The following PTPN12 variants were observed in gnomAD, a reference collection of about 807,000 sequenced individuals.
PTPN12 encodes tyrosine-protein phosphatase non-receptor type 12.
PTPN12 carries 29 observed loss-of-function variants against 97.6 expected under a neutral mutation model. The ratio of observed to expected loss-of-function variants is 0.30; its 90% confidence interval spans 0.22 to 0.41. The LOEUF is 0.41. Ranked by LOEUF, PTPN12 falls within the 10% of genes least tolerant of loss-of-function variation. The pLI is 1.00. For synonymous variants in PTPN12, 327 were observed against 300.4 expected, an observed-to-expected ratio of 1.09 and a Z score of -0.91; for missense variants, 819 against 926.0, an observed-to-expected ratio of 0.88 and a Z score of 1.50.
chr7:77,600,491 T>C (rs1232103799), intron 7 of PTPN12, among the ~76,000 whole-genome samples, 173 bp from the exon 8 acceptor site: 1 of 152,188 alleles, frequency 6.6e-6, no homozygotes, highest in Non-Finnish European at 1.5e-5. Flanking sequence ...AGCCCTTAGG[T>C]ATTTGGCATG....
intron 3 of PTPN12, 119 bp from the exon 4 acceptor site, chr7:77,583,436 G>T: frequency 1.5e-6 from 1 of 649,492 alleles, no homozygotes; most frequent in Non-Finnish European, 2.6e-6. Context: ...CACATTATTT[G>T]GAAATGGTTT....
chr7:77,635,937 C>A (rs908293959), intron 15 of PTPN12, 88 bp downstream of exon 15: 50 of 813,524 alleles, frequency 6.1e-5, no homozygotes, highest in Non-Finnish European at 8.7e-5. Context: ...TAGCTGTCAT[C>A]TTAAGATCGT....
At chr7:77,635,701 A>ATT in intron 14 of PTPN12, 81 bp from the exon 15 acceptor site, 1 of 793,608 alleles carries the variant, frequency 1.3e-6, no homozygotes, top group Non-Finnish European at 1.8e-6. Context: ...AATCTTTAGG[A>ATT]TCTGTTTTTT....
chr7:77,613,167 G>GTTTTTTTTTTTTTTTTTTTTTT (rs576216122), intron 11 of PTPN12, among the ~76,000 whole-genome samples: 1 of 88,534 alleles, frequency 1.1e-5, no homozygotes. Flanking sequence ...TAATTTTTGG[G>GTTTTTTTTTTTTTTTTTTTTTT]TTTTTTTTTT....
intron 12 of PTPN12, among the ~76,000 whole-genome samples, chr7:77,622,337 A>G (rs574626104): frequency 1.3e-5 from 2 of 152,342 alleles, no homozygotes; most frequent in East Asian, 1.9e-4. Context: ...ATATGAAAAA[A>G]CAGAGGAAAT....
At chr7:77,543,970 T>C (rs1445328800) in intron 1 of PTPN12, among the ~76,000 whole-genome samples, 1 of 152,232 alleles carries the variant, frequency 6.6e-6, no homozygotes, top group South Asian at 2.1e-4. Flanking sequence ...AATGCAGCTA[T>C]GAACATTTGT....
At chr7:77,614,221 A>G (rs963964919) in intron 11 of PTPN12, among the ~76,000 whole-genome samples, 25 of 152,178 alleles carry the variant, frequency 1.6e-4, no homozygotes, top group African/African-American at 5.8e-4. Context: ...CTATATTTAA[A>G]TAATCTCCAG....
At chr7:77,612,297 C>T (rs1191819321) in intron 11 of PTPN12, among the ~76,000 whole-genome samples, 14 of 152,110 alleles carry the variant, frequency 9.2e-5, no homozygotes, top group African/African-American at 2.4e-4. Context: ...TATGTGACAT[C>T]GTTCTTATTC....
intron 14 of PTPN12, 121 bp downstream of exon 14, chr7:77,632,546 G>T (rs1194139995): frequency 5.6e-6 from 4 of 712,968 alleles, no homozygotes; most frequent in Non-Finnish European, 9.6e-6. Context: ...CAAGTAAATT[G>T]ATGTTGACAT....
chr7:77,636,001 A>T (rs1386866432), intron 15 of PTPN12, 152 bp downstream of exon 15: 5 of 518,032 alleles, frequency 9.7e-6, no homozygotes, highest in African/African-American at 7.9e-5. Context: ...ATTTCAGATG[A>T]AAAGCCCATA....
At chr7:77,628,943 G>A (rs922268887) in intron 13 of PTPN12, among the ~76,000 whole-genome samples, 2 of 152,000 alleles carry the variant, frequency 1.3e-5, no homozygotes, top group Non-Finnish European at 1.5e-5. Flanking sequence ...GAGTGTATTT[G>A]GTAGACTAGA....
At chr7:77,566,220 C>G (rs1031934859) in intron 1 of PTPN12, among the ~76,000 whole-genome samples, 1 of 152,096 alleles carries the variant, frequency 6.6e-6, no homozygotes, top group Non-Finnish European at 1.5e-5. Context: ...GCATCAAACT[C>G]TAATAAGAGC....
chr7:77,537,979 G>C (rs1414904931), intron 1 of PTPN12: 1 of 190,752 alleles, frequency 5.2e-6, no homozygotes, highest in Non-Finnish European at 5.8e-6. Flanking sequence ...GGTGCAGGCC[G>C]GGGGGGGGGG....
At chr7:77,585,438 A>T in intron 4 of PTPN12, 105 bp from the exon 5 acceptor site, 1 of 957,742 alleles carries the variant, frequency 1.0e-6, no homozygotes, top group African/African-American at 1.7e-5. Flanking sequence ...AGGCAAGCCA[A>T]TTATACTTCT....
rs374113909 is a variant in PTPN12, at chr7:77,637,061, ATTT to A, written c.2173+21_2173+23del. The A allele has an allele frequency of 6.5e-7, 1 of 1,541,682 alleles. No homozygotes were observed. Among genetic ancestry groups the A allele is most frequent in the South Asian group, 1.2e-5 (1 of 86,366 alleles). On this transcript the variant is annotated intron_variant, in intron 16 of 17. Coordinates refer to ENST00000248594, the MANE Select transcript of PTPN12 (RefSeq NM_002835.4). The stretch of plus-strand genomic sequence containing the variant: ...AATGAGAAATGTGGTAAGTTGTTAG[ATTT>A]TTTTTTTCCTTTTTACTGTAGATTT...
chr7:77,606,249 C>T (rs1182059313), intron 8 of PTPN12, among the ~76,000 whole-genome samples: 3 of 152,150 alleles, frequency 2.0e-5, no homozygotes, highest in Non-Finnish European at 4.4e-5. Context: ...CCCCTGCGCC[C>T]AGCCACAAGA....
At chr7:77,560,205 A>C (rs1473717622) in intron 1 of PTPN12, among the ~76,000 whole-genome samples, 1 of 152,210 alleles carries the variant, frequency 6.6e-6, no homozygotes, top group Non-Finnish European at 1.5e-5. Flanking sequence ...ATAACAGTTA[A>C]TTCATGAATA....
chr7:77,627,078 G>T lies in PTPN12; in HGVS notation c.1399G>T (p.Ala467Ser). 1 of 1,614,086 alleles carries T rather than the reference G, an allele frequency of 6.2e-7. No individual in the cohort carries two copies. Among genetic ancestry groups the T allele is most frequent in the Non-Finnish European group, 8.5e-7 (1 of 1,180,014 alleles). The change falls in exon 13 of 18, where the codon GCT (alanine) becomes TCT (serine). Residue 467 changes from alanine (A) to serine (S), a missense_variant. Physicochemically the swap from Ala to Ser is moderately conservative, Grantham distance 99. This residue lies in a region of PTPN12 where 607 missense variants were observed against 577.3 expected (regional missense o/e 1.05). Coordinates refer to ENST00000248594, the MANE Select transcript of PTPN12 (RefSeq NM_002835.4). ...NRGHAIKIKS[A>S]SPCIADKISK... ...GGGACATGCAATTAAAATTAAATCTGCTTCACCTTGTATAGCTGATAAAAT... is the reference window on the plus strand; with the variant it reads ...GGGACATGCAATTAAAATTAAATCTTCTTCACCTTGTATAGCTGATAAAAT...
Position 77,583,559 on chromosome 7 carries a change from T to C in PTPN12, c.290T>C (p.Val97Ala). The change falls in exon 4 of 18, where the codon GTC (valine) becomes GCC (alanine). Residue 97 changes from valine (V) to alanine (A), a missense_variant. This residue lies in a region of PTPN12 where 66 missense variants were observed against 133.6 expected (regional missense o/e 0.49). Coordinates refer to ENST00000248594, the MANE Select transcript of PTPN12 (RefSeq NM_002835.4). ...DYINANFIKG[V>A]YGPKAYVATQ... ...TTTGCTTTTAACCATTTTTAGGGCG[T>C]CTATGGGCCAAAAGCATATGTAGCA... 1 of 1,596,820 alleles carries C rather than the reference T, an allele frequency of 6.3e-7. No individual in the cohort carries two copies. Among genetic ancestry groups the C allele is most frequent in the South Asian group, 1.1e-5 (1 of 87,262 alleles).
Sources: gnomAD v4.1 joint callset for allele counts (sites outside exome capture counted in the v4.1 genomes callset) on GRCh38, gnomAD v4.1.1 for gene constraint, gnomAD v4.1.1 regional missense constraint, MANE v1.5 for transcripts, NCBI Gene and HGNC (gene_info 2026-07-23, HGNC 2026-07-21) for gene names.